Variants in ZNF367 observed in about 807,000 individuals in gnomAD.
ZNF367 encodes C2H2 zinc finger protein ZFF29.
In ZNF367, 11 loss-of-function variants were observed where a neutral mutation model predicts 31.8. The ratio of observed to expected loss-of-function variants is 0.35; its 90% confidence interval spans 0.22 to 0.57. The LOEUF is 0.57. Ranked by LOEUF, ZNF367 falls within the 20% of genes least tolerant of loss-of-function variation. The probability of loss-of-function intolerance (pLI) is 0.85; values close to 1 mark genes in which losing one functional copy is unlikely to be tolerated. For synonymous variants in ZNF367, 199 were observed against 202.4 expected (o/e 0.98, Z 0.14); for missense variants, 353 against 484.1 (o/e 0.73, Z 2.54).
chr9:96,395,531 C>A (rs1238547277), intron 2 of ZNF367, among the ~76,000 whole-genome samples: 1 of 152,190 alleles, frequency 6.6e-6, no homozygotes, highest in Admixed American at 6.5e-5. Flanking sequence ...GGTTAAGGGG[C>A]AGAGTTTATC....
intron 1 of ZNF367, among the ~76,000 whole-genome samples, chr9:96,401,567 G>T (rs1022216599): frequency 6.7e-6 from 1 of 148,460 alleles, no homozygotes; most frequent in Non-Finnish European, 1.5e-5. Context: ...TGAGGCAGGA[G>T]AATTACTTGA....
intron 1 of ZNF367, among the ~76,000 whole-genome samples, chr9:96,414,769 C>A (rs1212586153): frequency 6.6e-6 from 1 of 152,176 alleles, no homozygotes; most frequent in Non-Finnish European, 1.5e-5. Flanking sequence ...AGCCTCCGCG[C>A]CTGGCCACAG....
Position 96,407,460 on chromosome 9 carries a change from A to G in ZNF367, c.421-9146T>C, listed in dbSNP as rs952671019. On this transcript the variant is annotated intron_variant, in intron 1 of 4. Coordinates refer to ENST00000375256, the MANE Select transcript of ZNF367 (RefSeq NM_153695.4). ...ATAAACAGCGCCATGCTGAGAAAATATAAATGAAAAAAAGACTATCAAAGA... is the reference window on the plus strand; with the variant it reads ...ATAAACAGCGCCATGCTGAGAAAATGTAAATGAAAAAAAGACTATCAAAGA... 6.6e-6 allele frequency: 9 copies of G among 1,363,376 alleles called. No homozygotes were observed. In the African/African-American group the frequency reaches 1.3e-4, roughly 20 times the overall value. The allele number at this position is 1,363,376 out of a possible 1,614,324, so 84.5% of individuals were successfully genotyped here.
intron 1 of ZNF367, among the ~76,000 whole-genome samples, chr9:96,416,087 GTTTT>G (rs34500193): frequency 6.2e-4 from 77 of 125,058 alleles, no homozygotes; most frequent in African/African-American, 1.9e-3. Context: ...TTTTTTTGTT[GTTTT>G]TTTTTTTTTT....
chr9:96,418,082 ACCGCTCTGCCCCTCAC>A lies in ZNF367; in HGVS notation c.-66_-51del. 5 of 1,333,378 alleles carry A rather than the reference ACCGCTCTGCCCCTCAC, an allele frequency of 3.7e-6. No homozygotes were observed. The highest frequency in any genetic ancestry group is 4.8e-6 in the Non-Finnish European group (5 of 1,045,258). The allele number at this position is 1,333,378 out of a possible 1,614,324, so 82.6% of individuals were successfully genotyped here. On this transcript the variant is annotated 5_prime_UTR_variant, in exon 1 of 5. It adds an upstream start codon to the 5' untranslated region. Coordinates refer to ENST00000375256, the MANE Select transcript of ZNF367 (RefSeq NM_153695.4). Reference sequence around the variant, plus strand: ...GCGGCCCCGGGCCGCACTCCTGAGCACCGCTCTGCCCCTCACTCGCTCTGCTCCGAGTCGCAGGCTC... The same window carrying A: ...GCGGCCCCGGGCCGCACTCCTGAGCATCGCTCTGCTCCGAGTCGCAGGCTC...
Position 96,417,809 on chromosome 9 carries a change from T to C in ZNF367, c.224A>G (p.Glu75Gly). 1 of 1,400,034 alleles carries C rather than the reference T, an allele frequency of 7.1e-7. No homozygotes were observed. The allele number at this position is 1,400,034 out of a possible 1,614,324, so 86.7% of individuals were successfully genotyped here. Residue 75 changes from glutamate (E) to glycine (G), a missense_variant, in exon 1 of 5, where the codon GAG becomes GGG. Glu to Gly is a moderately conservative substitution (Grantham distance 98). Around this residue, in one of 5 missense-constraint regions of ZNF367, gnomAD observed 31 missense variants for 58.4 expected, o/e 0.53. Coordinates refer to ENST00000375256, the MANE Select transcript of ZNF367 (RefSeq NM_153695.4). The surrounding 1 kb of genome is among the most constrained non-coding windows in gnomAD (Gnocchi z 5.0). The stretch of plus-strand genomic sequence containing the variant: ...GCTGAGCGTCACGTTGTGTGCGTTC[T>C]CGCCCCAGCGCCACGGGTACACCAT... ...DFMVYPWRWG[E>G]NAHNVTLSPG...
At chr9:96,405,203 T>A in intron 1 of ZNF367, among the ~76,000 whole-genome samples, 1 of 148,956 alleles carries the variant, frequency 6.7e-6, no homozygotes, top group Non-Finnish European at 1.5e-5. Context: ...GTGCCTGTAA[T>A]CCCAGCTACT....
At chr9:96,411,055 C>CA (rs1831741994) in intron 1 of ZNF367, among the ~76,000 whole-genome samples, 1 of 151,134 alleles carries the variant, frequency 6.6e-6, no homozygotes, top group Non-Finnish European at 1.5e-5. Flanking sequence ...AAAACATAGC[C>CA]AGGTGTGGTG....
intron 1 of ZNF367, among the ~76,000 whole-genome samples, chr9:96,412,145 A>G (rs1045169299): frequency 2.6e-5 from 4 of 152,226 alleles, no homozygotes; most frequent in Admixed American, 2.6e-4. Flanking sequence ...GGCCTTAACA[A>G]TGAGAAAACC....
At chr9:96,415,460 T>C (rs2131084503) in intron 1 of ZNF367, among the ~76,000 whole-genome samples, 1 of 144,422 alleles carries the variant, frequency 6.9e-6, no homozygotes, top group Non-Finnish European at 1.5e-5. Flanking sequence ...CTATCAACGC[T>C]TCTATCGTTA....
intron 1 of ZNF367, among the ~76,000 whole-genome samples, chr9:96,406,735 T>A (rs1831675125): frequency 6.6e-6 from 1 of 152,106 alleles, no homozygotes; most frequent in South Asian, 2.1e-4. Context: ...GCACGGTGGC[T>A]CACGCCTGTA....
intron 1 of ZNF367, among the ~76,000 whole-genome samples, chr9:96,402,708 G>A (rs1248111495): frequency 7.1e-6 from 1 of 141,780 alleles, no homozygotes; most frequent in East Asian, 2.1e-4. Flanking sequence ...CTGGCCTCAA[G>A]TGATCCGCCC....
At chr9:96,403,379 A>G (rs1831633489) in intron 1 of ZNF367, among the ~76,000 whole-genome samples, 1 of 152,248 alleles carries the variant, frequency 6.6e-6, no homozygotes, top group Non-Finnish European at 1.5e-5. Context: ...ATAGGATACA[A>G]TTCAAGAATT....
rs1831410779 is a variant in ZNF367 at position 96,386,555 on chromosome 9, C to T, written c.*1682G>A. On this transcript the variant is annotated 3_prime_UTR_variant, in exon 5 of 5. Coordinates refer to ENST00000375256, the MANE Select transcript of ZNF367 (RefSeq NM_153695.4). The stretch of plus-strand genomic sequence containing the variant: ...AATTAAAATTCTATATACCACATTA[C>T]AAAAAAATTCTTAGACCATTACAAA... The T allele has an allele frequency of 6.6e-6, 1 of 151,486 alleles. No homozygotes were observed. Among genetic ancestry groups the T allele is most frequent in the African/African-American group, 2.4e-5 (1 of 41,358 alleles). 9.4% of individuals were successfully genotyped at this position (151,486 alleles called of 1,614,324 possible).
intron 2 of ZNF367, among the ~76,000 whole-genome samples, chr9:96,397,651 C>G (rs757394234): frequency 6.6e-6 from 1 of 152,076 alleles, no homozygotes; most frequent in Non-Finnish European, 1.5e-5. Context: ...CACATGTAAC[C>G]AGTATTCATA....
chr9:96,390,977 G>A (rs1050177912), intron 4 of ZNF367, among the ~76,000 whole-genome samples: 3 of 151,892 alleles, frequency 2.0e-5, no homozygotes, highest in Admixed American at 6.6e-5. Flanking sequence ...AGCTAACCAG[G>A]AGAAAGAGGA....
At chr9:96,389,366 C>G (rs945776132) in intron 4 of ZNF367, among the ~76,000 whole-genome samples, 1 of 150,464 alleles carries the variant, frequency 6.6e-6, no homozygotes, top group African/African-American at 2.4e-5. Flanking sequence ...ACTGTCCATA[C>G]AAAGCCTTGT....
At chr9:96,399,600 C>G (rs898385892) in intron 1 of ZNF367, among the ~76,000 whole-genome samples, 2 of 152,110 alleles carry the variant, frequency 1.3e-5, no homozygotes, top group African/African-American at 4.8e-5. Flanking sequence ...AGTGGATCAC[C>G]TGAGGTCAGG....
intron 1 of ZNF367, among the ~76,000 whole-genome samples, chr9:96,415,221 A>AT (rs775576212): frequency 0.053 from 6,825 of 128,828 alleles, 214 homozygotes; most frequent in African/African-American, 0.086. Context: ...CCCCTGGCCA[A>AT]TTTTTTTTTT....
Sources: gnomAD v4.1 joint callset for allele counts (sites outside exome capture counted in the v4.1 genomes callset) on GRCh38, gnomAD v4.1.1 for gene constraint, gnomAD v4.1.1 regional missense constraint, Gnocchi (gnomAD v3.1) non-coding constraint, MANE v1.5 for transcripts, NCBI Gene and HGNC (gene_info 2026-07-23, HGNC 2026-07-21) for gene names.